Variants in ERP44 observed in about 807,000 individuals in gnomAD.
ERP44 encodes the protein endoplasmic reticulum protein 44.
Under a neutral mutation model 53.4 loss-of-function variants are expected in ERP44, and 25 were observed. The ratio of observed to expected loss-of-function variants is 0.47; its 90% CI spans 0.34 to 0.65. The LOEUF is 0.65. Among genes scored for constraint, ERP44 ranks in the 30% least tolerant of loss-of-function variants. The pLI, the probability that ERP44 is intolerant of heterozygous loss-of-function variation, is 0.01. For missense variants in ERP44, 338 were observed against 493.2 expected, an observed-to-expected ratio of 0.69 and a Z score of 2.98; for synonymous variants, 145 against 161.2, an observed-to-expected ratio of 0.90 and a Z score of 0.76.
Position 100,007,602 on chromosome 9 carries a change from C to T in ERP44, c.850G>A (p.Ala284Thr). ...ESLEIFQNEV[A>T]RQLISEKGTI... ...CCTTTTTCACTTATTAATTGCCGAGCTACTTCATTCTGGAATATTTCTAAA... is the reference window on the plus strand; with the variant it reads ...CCTTTTTCACTTATTAATTGCCGAGTTACTTCATTCTGGAATATTTCTAAA... The change falls in exon 9 of 12, where the codon GCT becomes ACT. Residue 284 changes from alanine (A) to threonine (T), a missense_variant. Transcript: ENST00000262455. 1 of 1,562,352 alleles carries T rather than the reference C, an allele frequency of 6.4e-7. No individual in the cohort carries two copies. The highest frequency in any genetic ancestry group is 8.8e-7 in the Non-Finnish European group (1 of 1,132,936).
chr9:100,001,867 G>T (rs1268621222), intron 10 of ERP44, among the ~76,000 whole-genome samples: 2 of 152,034 alleles, frequency 1.3e-5, no homozygotes, highest in Non-Finnish European at 2.9e-5. Flanking sequence ...ATTGTTCACT[G>T]GTTGTTTTGT....
intron 8 of ERP44, among the ~76,000 whole-genome samples, chr9:100,012,784 C>T (rs1485145668): frequency 6.6e-6 from 1 of 152,158 alleles, no homozygotes; most frequent in African/African-American, 2.4e-5. Flanking sequence ...GAAGTAGACA[C>T]TTTTCTCTAT....
intron 8 of ERP44, among the ~76,000 whole-genome samples, chr9:100,009,987 T>C (rs893184445): frequency 2.8e-5 from 2 of 70,516 alleles, no homozygotes; most frequent in African/African-American, 8.2e-5. Flanking sequence ...AAATTCTTTT[T>C]TCTAAACTCC....
intron 10 of ERP44, among the ~76,000 whole-genome samples, chr9:100,006,187 C>T (rs1290875538): frequency 6.6e-6 from 1 of 152,174 alleles, no homozygotes; most frequent in African/African-American, 2.4e-5. Context: ...AAAGACCAAA[C>T]TCAATGAAGA....
chr9:99,980,372 A>C lies in ERP44; in HGVS notation c.*2240T>G. The C allele has an allele frequency of 4.0e-6, 1 of 248,812 alleles. No homozygotes were observed. The highest frequency in any genetic ancestry group is 7.6e-6 in the Non-Finnish European group (1 of 131,830). 15.4% of individuals were successfully genotyped at this position (248,812 alleles called of 1,614,324 possible). A position where few individuals can be genotyped will look rare whatever the true frequency, so the allele number is the denominator to read the frequency against. ...ATCTGCTTCCCTGTGACTTCCTCAAATCCTAGTTCAAGCCCTGGGATCCAG... is the reference window on the plus strand; with the variant it reads ...ATCTGCTTCCCTGTGACTTCCTCAACTCCTAGTTCAAGCCCTGGGATCCAG... On this transcript the variant is annotated 3_prime_UTR_variant, in exon 12 of 12. Coordinates refer to ENST00000262455, the MANE Select transcript of ERP44 (RefSeq NM_015051.3).
At chr9:100,007,916 G>A (rs1332770580) in intron 8 of ERP44, among the ~76,000 whole-genome samples, 2 of 152,198 alleles carry the variant, frequency 1.3e-5, no homozygotes, top group Non-Finnish European at 2.9e-5. Flanking sequence ...CACATGCCCT[G>A]CTTTGCTGCA....
At chr9:99,992,473 A>G (rs1464520187) in intron 10 of ERP44, among the ~76,000 whole-genome samples, 1 of 152,234 alleles carries the variant, frequency 6.6e-6, no homozygotes, top group African/African-American at 2.4e-5. Flanking sequence ...ACAGCCCTTC[A>G]TGCTACAAAC....
intron 1 of ERP44, among the ~76,000 whole-genome samples, chr9:100,096,416 A>T (rs1469918903): frequency 2.0e-5 from 3 of 151,916 alleles, no homozygotes; most frequent in Non-Finnish European, 2.9e-5. Context: ...TATAAAAGAT[A>T]TATATACATA....
At chr9:100,013,500 T>G (rs1198011798) in intron 8 of ERP44, among the ~76,000 whole-genome samples, 2 of 151,938 alleles carry the variant, frequency 1.3e-5, no homozygotes, top group Admixed American at 1.3e-4. Context: ...CATTTTAAGC[T>G]GCTTTTCTTC....
intron 8 of ERP44, among the ~76,000 whole-genome samples, chr9:100,010,774 G>A (rs1184843861): frequency 6.6e-6 from 1 of 151,700 alleles, no homozygotes; most frequent in Non-Finnish European, 1.5e-5. Flanking sequence ...GGTGGTGGGC[G>A]CCTGTAATCC....
chr9:100,034,689 G>A (rs199724222), intron 4 of ERP44, among the ~76,000 whole-genome samples: 8 of 152,062 alleles, frequency 5.3e-5, no homozygotes, highest in African/African-American at 9.7e-5. Flanking sequence ...CCATTTTAAC[G>A]ATATCAATTC....
At chr9:100,072,336 TTTGTACTTGCTGTGA>T (rs1167723406) in intron 1 of ERP44, among the ~76,000 whole-genome samples, 1 of 152,104 alleles carries the variant, frequency 6.6e-6, no homozygotes, top group Non-Finnish European at 1.5e-5. Flanking sequence ...TGTCCTCACT[TTTGTACTTGCTGTGA>T]GATGGAGGTA....
intron 10 of ERP44, among the ~76,000 whole-genome samples, chr9:99,996,488 C>T (rs986126796): frequency 4.6e-5 from 7 of 152,186 alleles, no homozygotes; most frequent in Admixed American, 3.9e-4. Flanking sequence ...ATTACCCAGC[C>T]TCAGGTATTC....
At chr9:100,067,655 G>A (rs907731133) in intron 1 of ERP44, among the ~76,000 whole-genome samples, 3 of 148,148 alleles carry the variant, frequency 2.0e-5, no homozygotes, top group African/African-American at 5.0e-5. Flanking sequence ...GCCGCCCATC[G>A]TCTGGGAGTT....
At chr9:100,047,114 A>T (rs936629206) in intron 4 of ERP44, among the ~76,000 whole-genome samples, 1 of 152,246 alleles carries the variant, frequency 6.6e-6, no homozygotes, top group Non-Finnish European at 1.5e-5. Context: ...GATCACAGAC[A>T]TAAGTATAAA....
chr9:100,006,731 A>G (rs1293189142), intron 9 of ERP44, 84 bp from the exon 10 acceptor site: 1 of 941,458 alleles, frequency 1.1e-6, no homozygotes, highest in African/African-American at 1.7e-5. Context: ...AAAAAGTGAC[A>G]TACTAAAAAA....
intron 10 of ERP44, among the ~76,000 whole-genome samples, chr9:100,000,448 A>AC (rs1182432138): frequency 2.6e-5 from 4 of 151,976 alleles, no homozygotes; most frequent in African/African-American, 7.2e-5. Flanking sequence ...AAAAAAAAAA[A>AC]AAAAAACTTT....
At chr9:100,042,385 C>T (rs1825914296) in intron 4 of ERP44, among the ~76,000 whole-genome samples, 1 of 152,118 alleles carries the variant, frequency 6.6e-6, no homozygotes, top group African/African-American at 2.4e-5. Context: ...GTTAATATAG[C>T]TTTCATTCAA....
intron 1 of ERP44, among the ~76,000 whole-genome samples, chr9:100,084,964 A>C (rs570474416): frequency 4.3e-4 from 65 of 152,322 alleles, no homozygotes; most frequent in African/African-American, 1.4e-3. Flanking sequence ...CAATTAACTA[A>C]TTCAGTCATA....
Sources: allele counts gnomAD v4.1 joint callset (sites outside exome capture counted in the v4.1 genomes callset), GRCh38; gene constraint gnomAD v4.1.1; transcripts MANE v1.5; gene names NCBI Gene and HGNC (gene_info 2026-07-23, HGNC 2026-07-21).